Variants in TRIQK observed in about 807,000 individuals in gnomAD.
The protein encoded by TRIQK is triple QxxK/R motif containing, also known as triple QxxK/R motif-containing protein.
TRIQK carries 10 observed loss-of-function variants against 10.8 expected under a neutral mutation model. That is an observed-to-expected ratio of 0.92 (90% CI 0.57 to 1.57). The LOEUF (loss-of-function observed/expected upper bound fraction) is 1.57. TRIQK is among the 40% of genes most tolerant of loss of function. The pLI, the probability that TRIQK is intolerant of heterozygous loss-of-function variation, is 0.00. For synonymous variants in TRIQK, 33 were observed against 33.7 expected, an observed-to-expected ratio of 0.98 and a Z score of 0.07; for missense variants, 107 against 97.7, an observed-to-expected ratio of 1.09 and a Z score of -0.40.
At chr8:92,921,289 A>G (rs1444593846) in intron 2 of TRIQK, 1 of 151,716 alleles carries the variant, frequency 6.6e-6, no homozygotes, top group Non-Finnish European at 1.5e-5. Flanking sequence ...TTGGGGAGAC[A>G]GAAAAAAATA....
chr8:92,937,631 T>C (rs903827846), intron 2 of TRIQK, among the ~76,000 whole-genome samples: 1 of 151,630 alleles, frequency 6.6e-6, no homozygotes, highest in Non-Finnish European at 1.5e-5. Flanking sequence ...CATTTTTTAG[T>C]ATTTTATTCC....
At chr8:92,970,563 CT>C (rs1415996323), upstream of TRIQK, among the ~76,000 whole-genome samples, 3 of 152,150 alleles carry the variant, frequency 2.0e-5, no homozygotes, top group Non-Finnish European at 4.4e-5. Context: ...TGATGTTGAA[CT>C]TTTTTTCATA....
chr8:93,013,098 TACAATGAGAA>T (rs1813352660), intron 1 of TRIQK, among the ~76,000 whole-genome samples: 1 of 152,182 alleles, frequency 6.6e-6, no homozygotes, highest in Non-Finnish European at 1.5e-5. Context: ...ACTCATGGTA[TACAATGAGAA>T]GGTTTCTAAG....
chr8:92,954,730 G>A (rs1812086746), intron 1 of TRIQK, among the ~76,000 whole-genome samples, 166 bp from the exon 2 acceptor site: 1 of 151,772 alleles, frequency 6.6e-6, no homozygotes, highest in Non-Finnish European at 1.5e-5. Flanking sequence ...AATATAATTG[G>A]AAAATGTTGC....
chr8:92,901,733 T>G (rs568234095), intron 3 of TRIQK, among the ~76,000 whole-genome samples: 1 of 152,304 alleles, frequency 6.6e-6, no homozygotes, highest in African/African-American at 2.4e-5. Flanking sequence ...TGTCTGTTTT[T>G]GGTATTACAG....
At chr8:92,978,909 T>A (rs1812957805) in intron 1 of TRIQK, among the ~76,000 whole-genome samples, 1 of 152,106 alleles carries the variant, frequency 6.6e-6, no homozygotes, top group African/African-American at 2.4e-5. Flanking sequence ...ATAAGCAATT[T>A]TACTATTCCT....
At chr8:92,950,436 T>C (rs1174014495) in intron 2 of TRIQK, among the ~76,000 whole-genome samples, 1 of 152,184 alleles carries the variant, frequency 6.6e-6, no homozygotes, top group Non-Finnish European at 1.5e-5. Flanking sequence ...TCTCTAATCG[T>C]TGTAGGAATT....
intron 1 of TRIQK, among the ~76,000 whole-genome samples, chr8:92,975,011 C>A (rs1389858061): frequency 6.6e-6 from 1 of 152,178 alleles, no homozygotes; most frequent in Admixed American, 6.5e-5. Flanking sequence ...CTGAATCTAC[C>A]TCTACTGTCC....
chr8:92,936,744 G>A (rs1811008412), intron 2 of TRIQK, among the ~76,000 whole-genome samples: 1 of 151,612 alleles, frequency 6.6e-6, no homozygotes, highest in Middle Eastern at 3.4e-3. Context: ...GTGGCAAAGT[G>A]GAGAGAAACT....
upstream of TRIQK, among the ~76,000 whole-genome samples, chr8:92,970,291 T>A (rs1365885616): frequency 6.6e-6 from 1 of 152,204 alleles, no homozygotes; most frequent in East Asian, 1.9e-4. Flanking sequence ...TGATTTGTAT[T>A]CCTTTGGGTA....
At chr8:92,924,369 G>A (rs925123358) in intron 2 of TRIQK, among the ~76,000 whole-genome samples, 3 of 152,008 alleles carry the variant, frequency 2.0e-5, no homozygotes, top group Non-Finnish European at 4.4e-5. Flanking sequence ...TTAATGATCT[G>A]AATTTGTCAT....
chr8:92,921,169 GGGA>G (rs1321436676), intron 2 of TRIQK, among the ~76,000 whole-genome samples: 4 of 151,504 alleles, frequency 2.6e-5, no homozygotes, highest in African/African-American at 9.7e-5. Flanking sequence ...TGTGATGCTG[GGGA>G]GGAGTAGAAA....
chr8:92,937,231 C>T (rs1464312073), intron 2 of TRIQK, among the ~76,000 whole-genome samples: 1 of 148,114 alleles, frequency 6.8e-6, no homozygotes. Flanking sequence ...TATTTATACA[C>T]TTACAAAACA....
rs1586521770 is a variant in TRIQK, at chr8:92,982,094, T to G, written c.-180-27530A>C. Among the ~76,000 whole-genome samples the G allele has an allele frequency of 5.9e-5, 9 of 151,858 alleles. 3 individuals carry two copies. The highest frequency in any genetic ancestry group is 5.9e-4 in the Admixed American group (9 of 15,248). The stretch of plus-strand genomic sequence containing the variant: ...TCTAAAAATAAGTTTAAATAAGGTT[T>G]TCTGTTTTTCCTTAGAAAAATAAAT... On this transcript the variant is annotated intron_variant, in intron 1 of 4. Transcript: ENST00000520686.
At chr8:92,917,506 CCT>C (rs1373801558) in intron 2 of TRIQK, among the ~76,000 whole-genome samples, 7 of 151,726 alleles carry the variant, frequency 4.6e-5, no homozygotes, top group African/African-American at 1.7e-4. Flanking sequence ...TAGTTCTGCC[CCT>C]CTTAATGTAA....
intron 2 of TRIQK, among the ~76,000 whole-genome samples, chr8:92,939,252 CAACTAAATG>C (rs1184753702): frequency 3.3e-5 from 5 of 152,266 alleles, no homozygotes; most frequent in South Asian, 4.1e-4. Context: ...AGTGGGGTCT[CAACTAAATG>C]CCCTGGTTGA....
intron 4 of TRIQK, among the ~76,000 whole-genome samples, chr8:92,889,246 T>A (rs1317016853): frequency 7.9e-5 from 12 of 151,704 alleles, no homozygotes; most frequent in Non-Finnish European, 1.8e-4. Context: ...TGTATAATTC[T>A]GCATATCTCT....
chr8:92,889,478 C>A (rs923421514), intron 4 of TRIQK, among the ~76,000 whole-genome samples: 4 of 151,428 alleles, frequency 2.6e-5, no homozygotes, highest in Non-Finnish European at 5.9e-5. Context: ...GTTTTTAAAA[C>A]TTTATAACAC....
intron 4 of TRIQK, among the ~76,000 whole-genome samples, chr8:92,891,529 A>G (rs941251045): frequency 6.6e-6 from 1 of 151,914 alleles, no homozygotes; most frequent in Non-Finnish European, 1.5e-5. Context: ...TGAAAGAACA[A>G]GTTTAGGAAT....
Sources: allele counts gnomAD v4.1 joint callset (sites outside exome capture counted in the v4.1 genomes callset), GRCh38; gene constraint gnomAD v4.1.1; transcripts MANE v1.5; gene names NCBI Gene and HGNC (gene_info 2026-07-23, HGNC 2026-07-21).